Variants in CWF19L2 observed in about 807,000 individuals in gnomAD.
CWF19L2 encodes the protein CWF19 like cell cycle control factor 2.
Under a neutral mutation model 111.7 loss-of-function variants are expected in CWF19L2, and 98 were observed. The ratio of observed to expected loss-of-function variants is 0.88; its 90% CI spans 0.75 to 1.04. The LOEUF (loss-of-function observed/expected upper bound fraction) is 1.04. Ranked by LOEUF, CWF19L2 falls within the 50% of genes least tolerant of loss-of-function variation. CWF19L2 has a pLI of 0.00. For synonymous variants in CWF19L2, 351 were observed against 342.9 expected (o/e 1.02, Z -0.26); for missense variants, 1,101 against 1,051.4 (o/e 1.05, Z -0.65).
intron 12 of CWF19L2, among the ~76,000 whole-genome samples, chr11:107,371,763 C>T (rs866757713): frequency 1.5e-5 from 2 of 137,142 alleles, no homozygotes; most frequent in Middle Eastern, 7.4e-3. Flanking sequence ...CTGAAGATGA[C>T]AATTTCTCCG....
intron 10 of CWF19L2, among the ~76,000 whole-genome samples, chr11:107,398,635 C>T (rs1336554300): frequency 6.6e-6 from 1 of 152,182 alleles, no homozygotes; most frequent in African/African-American, 2.4e-5. Context: ...GGAAAACTTT[C>T]CCAGCCTTGT....
At chr11:107,417,862 C>T (rs1353789756) in intron 9 of CWF19L2, among the ~76,000 whole-genome samples, 2 of 151,798 alleles carry the variant, frequency 1.3e-5, no homozygotes, top group South Asian at 4.2e-4. Flanking sequence ...CAGGTTCAAG[C>T]GATTCTCCTG....
At chr11:107,441,652 G>A (rs570809087) in intron 4 of CWF19L2, 30 bp from the exon 5 acceptor site, 1 of 1,494,614 alleles carries the variant, frequency 6.7e-7, no homozygotes, top group Admixed American at 2.6e-5. Flanking sequence ...AAAATCAACA[G>A]TCATCCACTC....
At chr11:107,378,766 A>G (rs1307826112) in intron 12 of CWF19L2, among the ~76,000 whole-genome samples, 2 of 152,040 alleles carry the variant, frequency 1.3e-5, no homozygotes, top group Non-Finnish European at 1.5e-5. Context: ...TTAAAGTATA[A>G]TAATAATAAA....
Position 107,392,794 on chromosome 11 carries a change from T to C in CWF19L2, c.1719A>G (p.Arg573=), listed in dbSNP as rs768397542. The C allele has an allele frequency of 6.3e-7, 1 of 1,586,160 alleles. No homozygotes were observed. Among genetic ancestry groups the C allele is most frequent in the Non-Finnish European group, 8.6e-7 (1 of 1,164,008 alleles). ...TTAAACATACCATCTGTCTCTTTCTTCTTCCTCCTTGTGATTCCAGAGATT... is the reference window on the plus strand; with the variant it reads ...TTAAACATACCATCTGTCTCTTTCTCCTTCCTCCTTGTGATTCCAGAGATT... ...PGKSLESQGG[R]RKRQMVSTHE... is the part of the protein sequence containing the mutation. The change falls in exon 11 of 18, where the codon AGA becomes AGG. Residue 573 remains arginine (R), a synonymous_variant. Transcript: ENST00000282251.
At chr11:107,450,889 T>C (rs1207541530) in intron 3 of CWF19L2, among the ~76,000 whole-genome samples, 1 of 152,102 alleles carries the variant, frequency 6.6e-6, no homozygotes, top group Non-Finnish European at 1.5e-5. Flanking sequence ...CAGAAATAGG[T>C]AAAATCCACA....
chr11:107,398,378 T>C (rs1042226459), intron 10 of CWF19L2, among the ~76,000 whole-genome samples: 1 of 152,082 alleles, frequency 6.6e-6, no homozygotes, highest in Non-Finnish European at 1.5e-5. Context: ...CTTTTAGAAA[T>C]GCAAAATGCT....
intron 10 of CWF19L2, among the ~76,000 whole-genome samples, chr11:107,410,354 G>C (rs1020172085): frequency 1.3e-5 from 2 of 152,094 alleles, no homozygotes; most frequent in Admixed American, 1.3e-4. Context: ...TTGCAGTAGA[G>C]AATTCTTTCA....
chr11:107,384,644 T>A (rs2134587958), intron 12 of CWF19L2, among the ~76,000 whole-genome samples: 1 of 152,344 alleles, frequency 6.6e-6, no homozygotes, highest in African/African-American at 2.4e-5. Flanking sequence ...CCATATGTTT[T>A]TGTAAATAAA....
At chr11:107,349,869 A>T (rs368553517) in intron 13 of CWF19L2, among the ~76,000 whole-genome samples, 1 of 152,192 alleles carries the variant, frequency 6.6e-6, no homozygotes, top group Admixed American at 6.6e-5. Context: ...AAAAAAAGAA[A>T]TAAAGATTAA....
At position 107,326,901 on chromosome 11, in the gene CWF19L2, A is replaced by G. The variant is rs187961914; in HGVS notation, c.*9T>C. 4.5e-6 allele frequency: 7 copies of G among 1,572,654 alleles called. No homozygotes were observed. In the Admixed American group the frequency reaches 1.4e-4, roughly 32 times the overall value. On this transcript the variant is annotated 3_prime_UTR_variant, in exon 18 of 18. Transcript: ENST00000282251. ...ATCTGAAGAAAAATTTTAAAATGGA[A>G]GGTACACCTCAATAGTTTTTACTTT... is the stretch of plus-strand genomic sequence containing the variant.
intron 12 of CWF19L2, among the ~76,000 whole-genome samples, chr11:107,378,916 A>G (rs1465504451): frequency 6.6e-6 from 1 of 152,218 alleles, no homozygotes; most frequent in East Asian, 1.9e-4. Flanking sequence ...GGGCATAGGA[A>G]GACAAGATTG....
chr11:107,379,587 C>T (rs911477671), intron 12 of CWF19L2, among the ~76,000 whole-genome samples: 1 of 152,220 alleles, frequency 6.6e-6, no homozygotes, highest in African/African-American at 2.4e-5. Context: ...CCTGTTCAAT[C>T]AGTTTCCAAA....
intron 7 of CWF19L2, among the ~76,000 whole-genome samples, chr11:107,432,972 T>G (rs536056796): frequency 6.6e-6 from 1 of 152,022 alleles, no homozygotes; most frequent in Non-Finnish European, 1.5e-5. Flanking sequence ...AATTAACAGG[T>G]CATTAAAATG....
rs1310175010 is a variant in CWF19L2 at position 107,373,490 on chromosome 11, G to A, written c.1872+16584C>T. ...TGACCCCCGAGCAGCCTAACTGGGA[G>A]GCACCCCCCAGGAGGGGCAGACTGA... On this transcript the variant is annotated intron_variant, in intron 12 of 17. Coordinates refer to ENST00000282251, the MANE Select transcript of CWF19L2 (RefSeq NM_152434.3). Among the ~76,000 whole-genome samples the A allele has an allele frequency of 3.7e-5, 4 of 108,504 alleles. 1 individual carries two copies. The highest frequency in any genetic ancestry group is 1.4e-4 in the African/African-American group (4 of 29,108). 71.2% of individuals were successfully genotyped at this position (108,504 alleles called of 152,430 possible).
intron 10 of CWF19L2, 27 bp downstream of exon 10, chr11:107,416,182 T>G (rs2135397988): frequency 1.2e-6 from 1 of 801,206 alleles, no homozygotes; most frequent in East Asian, 3.3e-5. Context: ...ACAAGGTAAT[T>G]ACATTCTCCA....
intron 14 of CWF19L2, among the ~76,000 whole-genome samples, chr11:107,342,341 T>C (rs1384921350): frequency 5.3e-5 from 8 of 152,080 alleles, no homozygotes; most frequent in Admixed American, 5.2e-4. Context: ...ATTTAACATG[T>C]TGTAATTTCA....
At chr11:107,367,972 T>C (rs917881561) in intron 12 of CWF19L2, among the ~76,000 whole-genome samples, 1 of 137,136 alleles carries the variant, frequency 7.3e-6, no homozygotes, top group African/African-American at 2.9e-5. Flanking sequence ...GAGAATTTTA[T>C]AGCATTAAAT....
At chr11:107,443,721 T>TA (rs1376378426) in intron 3 of CWF19L2, among the ~76,000 whole-genome samples, 3 of 152,306 alleles carry the variant, frequency 2.0e-5, no homozygotes, top group East Asian at 3.9e-4. Context: ...ACCACCCAGG[T>TA]AAACGAATTT....
Sources: gnomAD v4.1 joint callset for allele counts (sites outside exome capture counted in the v4.1 genomes callset) on GRCh38, gnomAD v4.1.1 for gene constraint, MANE v1.5 for transcripts, NCBI Gene and HGNC (gene_info 2026-07-23, HGNC 2026-07-21) for gene names.